LSAMP: variants seen among roughly 807,000 people sequenced by gnomAD.
The protein encoded by LSAMP is limbic system-associated membrane protein.
LSAMP carries 7 observed loss-of-function variants against 38.6 expected under a neutral mutation model. The ratio of observed to expected loss-of-function variants is 0.18; its 90% CI spans 0.10 to 0.34. LSAMP has a LOEUF of 0.34. Ranked by LOEUF, LSAMP falls within the 10% of genes least tolerant of loss-of-function variation. The pLI is 1.00. For missense variants in LSAMP, 313 were observed against 420.0 expected (o/e 0.75, Z 2.23); for synonymous variants, 154 against 166.8 (o/e 0.92, Z 0.59).
intron 3 of LSAMP, among the ~76,000 whole-genome samples, chr3:115,875,095 T>C (rs1936147419): frequency 1.3e-5 from 2 of 152,152 alleles, no homozygotes; most frequent in South Asian, 2.1e-4. Flanking sequence ...AGGAATTGGA[T>C]AGTGAGTAAA....
chr3:116,443,661 T>G (rs1239469424), intron 1 of LSAMP, among the ~76,000 whole-genome samples: 1 of 152,196 alleles, frequency 6.6e-6, no homozygotes, highest in Non-Finnish European at 1.5e-5. Context: ...ATCAGCTCCT[T>G]GCACACAGAT....
At chr3:116,383,702 C>T (rs1372447540) in intron 1 of LSAMP, among the ~76,000 whole-genome samples, 1 of 151,386 alleles carries the variant, frequency 6.6e-6, no homozygotes, top group East Asian at 1.9e-4. Flanking sequence ...GAAAATGACA[C>T]ACAGGATCTC....
chr3:116,131,832 CT>C (rs746101746), intron 1 of LSAMP, among the ~76,000 whole-genome samples: 192 of 142,468 alleles, frequency 1.3e-3, no homozygotes, highest in Middle Eastern at 3.7e-3. Flanking sequence ...TTTTCTTTTT[CT>C]TTTTTTTTTT....
chr3:116,221,278 C>T (rs920795361), intron 1 of LSAMP, among the ~76,000 whole-genome samples: 1 of 151,148 alleles, frequency 6.6e-6, no homozygotes, highest in Non-Finnish European at 1.5e-5. Context: ...GAGAAAAATG[C>T]AATTAACCCC....
In LSAMP at chr3:115,806,604, C is replaced by T. The variant is rs1047233617; in HGVS notation, c.*3713G>A. On this transcript the variant is annotated 3_prime_UTR_variant, in exon 7 of 7. Transcript: ENST00000490035. ...TGGTCCTCCAAGAACGTGAAAATCA[C>T]GAGTACTTTTACAAGGTCTCTATAA... The T allele has an allele frequency of 2.6e-5, 4 of 152,100 alleles. No individual in the cohort carries two copies. Among genetic ancestry groups the T allele is most frequent in the Non-Finnish European group, 5.9e-5 (4 of 68,024 alleles). The allele number at this position is 152,100 out of a possible 1,614,324, so 9.4% of individuals were successfully genotyped here.
intron 6 of LSAMP, among the ~76,000 whole-genome samples, chr3:115,836,074 C>T (rs1934771247): frequency 6.6e-6 from 1 of 152,166 alleles, no homozygotes; most frequent in South Asian, 2.1e-4. Flanking sequence ...AATATTTTCT[C>T]ATCATGCTGT....
chr3:115,913,677 T>C (rs886821294), intron 3 of LSAMP, among the ~76,000 whole-genome samples: 1 of 152,218 alleles, frequency 6.6e-6, no homozygotes, highest in African/African-American at 2.4e-5. Context: ...CCTTAATTGA[T>C]GAGGAATCTC....
intron 1 of LSAMP, among the ~76,000 whole-genome samples, chr3:116,138,587 C>A (rs751381073): frequency 8.6e-5 from 13 of 151,916 alleles, no homozygotes; most frequent in Non-Finnish European, 1.6e-4. Flanking sequence ...TGCTTGGATT[C>A]TAGGAGCAGC....
intron 1 of LSAMP, among the ~76,000 whole-genome samples, chr3:116,301,672 C>T (rs1217141174): frequency 2.0e-5 from 3 of 152,066 alleles, no homozygotes; most frequent in Non-Finnish European, 4.4e-5. Flanking sequence ...ATTTCTCATG[C>T]ATATATTCAT....
intron 3 of LSAMP, among the ~76,000 whole-genome samples, chr3:115,855,553 G>A (rs935427046): frequency 9.2e-5 from 14 of 152,176 alleles, no homozygotes; most frequent in Non-Finnish European, 1.9e-4. Flanking sequence ...TCTGTCTCCA[G>A]CACACAATGT....
At chr3:115,873,942 CA>C (rs1264291255) in intron 3 of LSAMP, among the ~76,000 whole-genome samples, 1 of 152,140 alleles carries the variant, frequency 6.6e-6, no homozygotes, top group Non-Finnish European at 1.5e-5. Context: ...TATGATGGTG[CA>C]TTTCTGAAGG....
intron 1 of LSAMP, among the ~76,000 whole-genome samples, chr3:116,406,057 T>C (rs1295675724): frequency 6.6e-6 from 1 of 152,164 alleles, no homozygotes; most frequent in Non-Finnish European, 1.5e-5. Context: ...AGCAGTTACA[T>C]TTCTATCTTT....
chr3:116,262,645 T>A, intron 1 of LSAMP, among the ~76,000 whole-genome samples: 1 of 149,460 alleles, frequency 6.7e-6, no homozygotes, highest in Non-Finnish European at 1.5e-5. Context: ...AAAACTCAGT[T>A]AGACTATTGT....
intron 3 of LSAMP, among the ~76,000 whole-genome samples, chr3:115,959,667 G>C (rs1161253296): frequency 1.3e-5 from 2 of 152,082 alleles, no homozygotes; most frequent in Non-Finnish European, 2.9e-5. Flanking sequence ...TACAGTAACT[G>C]TGCCTATCTC....
At position 116,321,751 on chromosome 3, in the gene LSAMP, C is replaced by G. The variant is rs371671272; in HGVS notation, c.155+123126G>C. Among the ~76,000 whole-genome samples, 26 of 152,280 alleles carry G rather than the reference C, an allele frequency of 1.7e-4. No individual in the cohort carries two copies. In the East Asian group the frequency reaches 3.1e-3, roughly 18 times the overall value. The stretch of plus-strand genomic sequence containing the variant: ...AACCATGAGATAAGAGAGAAAATAG[C>G]TTCTAGAACTGTCCTTCTCCTTCAA... On this transcript the variant is annotated intron_variant, in intron 1 of 6. Coordinates refer to ENST00000490035, the MANE Select transcript of LSAMP (RefSeq NM_002338.5).
At chr3:116,015,370 G>A (rs968869958) in intron 3 of LSAMP, among the ~76,000 whole-genome samples, 2 of 152,106 alleles carry the variant, frequency 1.3e-5, no homozygotes, top group South Asian at 2.1e-4. Context: ...ACTTAGAAAC[G>A]AAGTTAAATG....
At chr3:115,909,697 T>C (rs1937093605) in intron 3 of LSAMP, among the ~76,000 whole-genome samples, 1 of 152,204 alleles carries the variant, frequency 6.6e-6, no homozygotes, top group African/African-American at 2.4e-5. Context: ...ATTGGAGTTT[T>C]GAGGGATAGT....
intron 1 of LSAMP, among the ~76,000 whole-genome samples, chr3:116,332,805 TC>T (rs1159044635): frequency 6.6e-6 from 1 of 151,910 alleles, no homozygotes; most frequent in Non-Finnish European, 1.5e-5. Flanking sequence ...AAAAATATAT[TC>T]CATGAAAATA....
chr3:115,907,313 C>T lies in LSAMP; in HGVS notation c.515-54696G>A, dbSNP rs566164783. ...ATGATGGCAGTAAAAGATGAGCCCT[C>T]TGGGAGGTGATTAGGTCATGAGGGC... is the stretch of plus-strand genomic sequence containing the variant. On this transcript the variant is annotated intron_variant, in intron 3 of 6. Transcript: ENST00000490035. Among the ~76,000 whole-genome samples, 3 of 152,078 alleles carry T rather than the reference C, an allele frequency of 2.0e-5. No individual in the cohort carries two copies. The South Asian group carries it at 6.2e-4, about 32-fold the overall frequency.
Sources: gnomAD v4.1 joint callset for allele counts (sites outside exome capture counted in the v4.1 genomes callset) on GRCh38, gnomAD v4.1.1 for gene constraint, MANE v1.5 for transcripts, NCBI Gene and HGNC (gene_info 2026-07-23, HGNC 2026-07-21) for gene names.